LRP1B: variants seen among roughly 807,000 people sequenced by gnomAD.
LRP1B encodes the protein low-density lipoprotein receptor-related protein 1B.
In LRP1B, 217 loss-of-function variants were observed where a neutral mutation model predicts 556.6. The observed-to-expected ratio is 0.39, with a 90% CI of 0.35 to 0.44. The LOEUF (loss-of-function observed/expected upper bound fraction) is 0.44, where lower values mean the gene tolerates loss of function less well. LRP1B is among the 20% of genes least tolerant of loss of function. The pLI is 1.00. For missense variants in LRP1B, 5,053 were observed against 5,620.8 expected, an observed-to-expected ratio of 0.90 and a Z score of 3.23; for synonymous variants, 2,047 against 1,865.8, an observed-to-expected ratio of 1.10 and a Z score of -2.50.
intron 1 of LRP1B, among the ~76,000 whole-genome samples, chr2:142,054,719 C>G (rs1704597971): frequency 6.6e-6 from 1 of 152,104 alleles, no homozygotes; most frequent in Admixed American, 6.6e-5. Context: ...ATACCATAGA[C>G]TGCACCTTAT....
At chr2:141,243,551 A>T (rs59539948) in intron 5 of LRP1B, among the ~76,000 whole-genome samples, 4,138 of 152,272 alleles carry the variant, frequency 0.027, 82 homozygotes, top group Non-Finnish European at 0.036. Context: ...ATAAAGTAAC[A>T]AATGCTCTCA....
intron 43 of LRP1B, among the ~76,000 whole-genome samples, chr2:140,577,186 A>C (rs981098638): frequency 6.6e-6 from 1 of 152,098 alleles, no homozygotes; most frequent in African/African-American, 2.4e-5. Context: ...ACAACACTGC[A>C]AGAAATAGGA....
At chr2:141,285,746 G>A (rs1376050383) in intron 3 of LRP1B, among the ~76,000 whole-genome samples, 6 of 140,568 alleles carry the variant, frequency 4.3e-5, no homozygotes, top group African/African-American at 1.3e-4. Flanking sequence ...GTGAGCCACC[G>A]AGCCCGGCCA....
intron 3 of LRP1B, among the ~76,000 whole-genome samples, chr2:141,269,209 G>C (rs1684999068): frequency 1.3e-5 from 2 of 152,146 alleles, no homozygotes; most frequent in South Asian, 4.1e-4. Context: ...GTGGTGATCA[G>C]TTAGCACAAA....
Position 140,370,690 on chromosome 2 carries a change from CA to C in LRP1B, c.11008+19del, listed in dbSNP as rs1421311948. The C allele has an allele frequency of 6.2e-7, 1 of 1,611,308 alleles. No homozygotes were observed. The highest frequency in any genetic ancestry group is 1.1e-5 in the South Asian group (1 of 90,930). On this transcript the variant is annotated intron_variant, in intron 71 of 90. Coordinates refer to ENST00000389484, the MANE Select transcript of LRP1B (RefSeq NM_018557.3). The stretch of plus-strand genomic sequence containing the variant: ...TTTCATTCTCTCATTTACAGGCACA[CA>C]CACACAAAAATACCTTACCTCTTTC...
chr2:141,483,725 G>GT (rs1211976971), intron 2 of LRP1B, among the ~76,000 whole-genome samples: 5 of 151,796 alleles, frequency 3.3e-5, no homozygotes, highest in Non-Finnish European at 7.4e-5. Context: ...GATGATGAGC[G>GT]TTTTTTCATG....
chr2:140,838,202 C>T (rs1691980227), intron 31 of LRP1B, among the ~76,000 whole-genome samples: 3 of 152,096 alleles, frequency 2.0e-5, no homozygotes, highest in African/African-American at 7.2e-5. Context: ...ACTTGATTTG[C>T]TTATGCTATT....
intron 18 of LRP1B, among the ~76,000 whole-genome samples, chr2:140,980,420 T>C (rs16845070): frequency 0.027 from 4,059 of 152,232 alleles, 179 homozygotes; most frequent in African/African-American, 0.089. Flanking sequence ...CCCACTTTAT[T>C]GGTCAGGCTC....
At chr2:140,324,269 TAAAACATAA>T (rs1680329870) in intron 80 of LRP1B, among the ~76,000 whole-genome samples, 1 of 152,018 alleles carries the variant, frequency 6.6e-6, no homozygotes, top group Non-Finnish European at 1.5e-5. Context: ...ACATGTTACT[TAAAACATAA>T]AAATACACTT....
rs117301668 is a variant in LRP1B at position 140,287,249 on chromosome 2, G to T, written c.12967+10559C>A. Among the ~76,000 whole-genome samples the T allele has an allele frequency of 6.9e-4, 105 of 151,684 alleles. 1 individual carries two copies. In the East Asian group the frequency reaches 0.019, roughly 28 times the overall value. On this transcript the variant is annotated intron_variant, in intron 84 of 90. Transcript: ENST00000389484. ...TTAGATAGGGGATCTGATCAAAAAG[G>T]TCAGAACCTAAAAAAATCAGAATCC...
intron 41 of LRP1B, among the ~76,000 whole-genome samples, chr2:140,648,627 G>A (rs1292841829): frequency 6.6e-6 from 1 of 151,924 alleles, no homozygotes; most frequent in African/African-American, 2.4e-5. Context: ...CGGGTTCAGG[G>A]GTAATCTCTG....
At chr2:140,811,000 G>A (rs922334054) in intron 32 of LRP1B, among the ~76,000 whole-genome samples, 1 of 152,128 alleles carries the variant, frequency 6.6e-6, no homozygotes, top group Admixed American at 6.5e-5. Flanking sequence ...CTCACAAAGT[G>A]CTGGGATTAC....
At chr2:141,281,184 C>A (rs1411974516) in intron 3 of LRP1B, among the ~76,000 whole-genome samples, 1 of 151,970 alleles carries the variant, frequency 6.6e-6, no homozygotes, top group Non-Finnish European at 1.5e-5. Flanking sequence ...TCTTTTCTGG[C>A]AGCAAAGGGT....
At chr2:141,271,771 GAA>G (rs11326474) in intron 3 of LRP1B, among the ~76,000 whole-genome samples, 17 of 138,096 alleles carry the variant, frequency 1.2e-4, no homozygotes, top group African/African-American at 2.7e-4. Flanking sequence ...GAAACCATAT[GAA>G]AAAAAAAAAA....
intron 3 of LRP1B, among the ~76,000 whole-genome samples, chr2:141,417,987 G>A (rs764239363): frequency 2.6e-5 from 4 of 152,018 alleles, no homozygotes; most frequent in Non-Finnish European, 4.4e-5. Flanking sequence ...GAATGATATT[G>A]TACATCTTTT....
At chr2:141,229,044 CA>C in intron 6 of LRP1B, 138 bp downstream of exon 6, 2 of 792,690 alleles carry the variant, frequency 2.5e-6, no homozygotes, top group Non-Finnish European at 4.2e-6. Flanking sequence ...GTAGTGAATA[CA>C]GTAATTCAAG....
chr2:141,847,247 A>T (rs2105768681), intron 1 of LRP1B, among the ~76,000 whole-genome samples: 2 of 151,690 alleles, frequency 1.3e-5, no homozygotes, highest in South Asian at 4.1e-4. Context: ...GTTATCTAGG[A>T]ATTAATCGAA....
rs1697543677 is a variant in LRP1B at position 141,005,411 on chromosome 2, G to A, written c.2427C>T (p.Cys809=). The change falls in exon 15 of 91, where the codon TGC becomes TGT. Residue 809 remains cysteine, a synonymous_variant. Coordinates refer to ENST00000389484, the MANE Select transcript of LRP1B (RefSeq NM_018557.3). The stretch of plus-strand genomic sequence containing the variant: ...ACACCCGGCCTCCTGGGATAGCCAA[G>A]CAAAGTGTACTACAGCCCCCATTAT... The part of the protein sequence containing the change: ...RVNNGGCSTL[C]LAIPGGRVCA... 2.5e-6 allele frequency: 4 copies of A among 1,611,532 alleles called. No individual in the cohort carries two copies. Among genetic ancestry groups the A allele is most frequent in the Non-Finnish European group, 1.7e-6 (2 of 1,178,450 alleles).
chr2:140,491,448 T>C (rs1283277288), intron 57 of LRP1B, among the ~76,000 whole-genome samples: 1 of 152,048 alleles, frequency 6.6e-6, no homozygotes, highest in South Asian at 2.1e-4. Flanking sequence ...CTAGAAAATA[T>C]GTGTCTGATG....
Sources: allele counts gnomAD v4.1 joint callset (sites outside exome capture counted in the v4.1 genomes callset), GRCh38; gene constraint gnomAD v4.1.1; transcripts MANE v1.5; gene names NCBI Gene and HGNC (gene_info 2026-07-23, HGNC 2026-07-21).